PSD3: variants seen among roughly 807,000 people sequenced by gnomAD.
PSD3 encodes the protein PH and SEC7 domain-containing protein 3.
In PSD3, 49 loss-of-function variants were observed where a neutral mutation model predicts 105.5. The ratio of observed to expected loss-of-function variants is 0.46; its 90% confidence interval spans 0.37 to 0.59. The LOEUF (loss-of-function observed/expected upper bound fraction) is 0.59, where lower values mean the gene tolerates loss of function less well. Among genes scored for constraint, PSD3 ranks in the 20% least tolerant of loss-of-function variants. The pLI, the probability that PSD3 is intolerant of heterozygous loss-of-function variation, is 0.00. For missense variants in PSD3, 1,561 were observed against 1,263.8 expected, an observed-to-expected ratio of 1.24 and a Z score of -3.57; for synonymous variants, 557 against 457.8, an observed-to-expected ratio of 1.22 and a Z score of -2.77.
chr8:18,841,873 A>T (rs1333776000), intron 4 of PSD3, among the ~76,000 whole-genome samples: 1 of 152,190 alleles, frequency 6.6e-6, no homozygotes, highest in Non-Finnish European at 1.5e-5. Flanking sequence ...TAATCCCTTC[A>T]TTAAAGACTT....
intron 1 of PSD3, among the ~76,000 whole-genome samples, chr8:18,991,363 C>T (rs1206277323): frequency 4.9e-5 from 3 of 61,290 alleles, no homozygotes; most frequent in African/African-American, 9.3e-5. Flanking sequence ...TACACACACA[C>T]ACACACACAT....
chr8:18,773,828 C>A (rs1421578129), intron 8 of PSD3, among the ~76,000 whole-genome samples: 4 of 152,184 alleles, frequency 2.6e-5, no homozygotes, highest in African/African-American at 9.7e-5. Flanking sequence ...TCTGTGGAAT[C>A]TGAAGATCAG....
intron 2 of PSD3, among the ~76,000 whole-genome samples, chr8:18,903,269 G>C (rs548314012): frequency 6.6e-6 from 1 of 152,126 alleles, no homozygotes. Flanking sequence ...AACTTGACCC[G>C]AACGGCAACT....
rs1261667864 is a variant in PSD3, at chr8:18,607,696, CAAAACAAAAA to C, written c.2411-7272_2411-7263del. Reference sequence around the variant, plus strand: ...ACTCCACTGCTACAAAAAAAAAAAACAAAACAAAAAAAAAAAGGAAGTCAGGTGTATTAGT... The same window carrying C: ...ACTCCACTGCTACAAAAAAAAAAAACAAAAAAGGAAGTCAGGTGTATTAGT... On this transcript the variant is annotated intron_variant, in intron 11 of 15. Transcript: ENST00000327040. 2.6e-4 allele frequency among the ~76,000 whole-genome samples: 25 copies of C among 96,506 alleles called. 1 individual carries two copies. The highest frequency in any genetic ancestry group is 1.1e-3 in the African/African-American group (24 of 21,806). The allele number at this position is 96,506 out of a possible 152,430, so 63.3% of individuals were successfully genotyped here.
At chr8:18,843,873 T>A (rs577639502) in intron 4 of PSD3, among the ~76,000 whole-genome samples, 3 of 151,920 alleles carry the variant, frequency 2.0e-5, no homozygotes, top group Non-Finnish European at 2.9e-5. Flanking sequence ...TGACAATATC[T>A]CCAGGAAGTA....
intron 1 of PSD3, among the ~76,000 whole-genome samples, chr8:19,055,104 T>C (rs1828664251): frequency 6.6e-6 from 1 of 152,232 alleles, no homozygotes; most frequent in East Asian, 1.9e-4. Context: ...TTGAGTTGCA[T>C]GAGCAAGAAA....
intron 12 of PSD3, 41 bp downstream of exon 12, chr8:18,600,323 T>G: frequency 1.3e-6 from 2 of 1,523,892 alleles, no homozygotes; most frequent in Non-Finnish European, 1.8e-6. Flanking sequence ...ATGTAATTAT[T>G]TCATCGAGTT....
intron 4 of PSD3, among the ~76,000 whole-genome samples, chr8:18,844,649 C>T (rs956947389): frequency 6.6e-6 from 1 of 152,158 alleles, no homozygotes; most frequent in Non-Finnish European, 1.5e-5. Flanking sequence ...TTTCCAACCA[C>T]AACCCCTACT....
At chr8:18,832,985 T>A (rs984503308) in intron 4 of PSD3, among the ~76,000 whole-genome samples, 1 of 152,176 alleles carries the variant, frequency 6.6e-6, no homozygotes, top group Non-Finnish European at 1.5e-5. Flanking sequence ...AAGGCAGATA[T>A]GCTCTCTGGC....
At chr8:18,752,493 A>T (rs1234057293) in intron 9 of PSD3, among the ~76,000 whole-genome samples, 2 of 16,362 alleles carry the variant, frequency 1.2e-4, no homozygotes. Context: ...TATATATATA[A>T]TATATATAAT....
intron 1 of PSD3, among the ~76,000 whole-genome samples, chr8:19,037,946 T>A (rs890898231): frequency 6.7e-6 from 1 of 149,244 alleles, no homozygotes; most frequent in African/African-American, 2.4e-5. Flanking sequence ...TAAAGTTATA[T>A]ACACATTAAA....
intron 9 of PSD3, among the ~76,000 whole-genome samples, chr8:18,755,666 T>C (rs146033464): frequency 1.3e-5 from 2 of 152,164 alleles, no homozygotes; most frequent in African/African-American, 4.8e-5. Flanking sequence ...ACTTTTTTCC[T>C]TTTTTCTTTT....
At chr8:18,856,380 G>T (rs1038598742) in intron 4 of PSD3, among the ~76,000 whole-genome samples, 4 of 152,038 alleles carry the variant, frequency 2.6e-5, no homozygotes, top group Non-Finnish European at 5.9e-5. Flanking sequence ...TGCCCAGTAT[G>T]TGCTGGCCAC....
intron 9 of PSD3, among the ~76,000 whole-genome samples, chr8:18,752,522 ATATATAAT>A (rs1805608878): frequency 1.3e-5 from 1 of 79,912 alleles, no homozygotes; most frequent in Non-Finnish European, 2.0e-5. Context: ...TATATGTAAT[ATATATAAT>A]TATATATTAT....
At chr8:18,967,702 T>C (rs1194692004) in intron 1 of PSD3, among the ~76,000 whole-genome samples, 1 of 152,120 alleles carries the variant, frequency 6.6e-6, no homozygotes, top group African/African-American at 2.4e-5. Context: ...CCTCAGATGT[T>C]GGTAGGAGGA....
At chr8:18,580,094 T>A (rs1016592720) in intron 12 of PSD3, among the ~76,000 whole-genome samples, 1 of 152,218 alleles carries the variant, frequency 6.6e-6, no homozygotes, top group Non-Finnish European at 1.5e-5. Flanking sequence ...TAAAAAATGC[T>A]AAGTATGTCT....
At chr8:18,640,106 G>A (rs722311) in intron 10 of PSD3, among the ~76,000 whole-genome samples, 51 of 152,014 alleles carry the variant, frequency 3.4e-4, no homozygotes, top group Non-Finnish European at 6.2e-4. Flanking sequence ...GACTGTGGTC[G>A]TGAATCCATT....
chr8:18,625,263 GACTT>G (rs1380039637), intron 11 of PSD3, among the ~76,000 whole-genome samples: 1 of 151,770 alleles, frequency 6.6e-6, no homozygotes, highest in African/African-American at 2.4e-5. Flanking sequence ...CTAATTATCT[GACTT>G]ACTTTCTATA....
intron 15 of PSD3, among the ~76,000 whole-genome samples, chr8:18,544,425 GTT>G (rs78051321): frequency 6.9e-6 from 1 of 144,914 alleles, no homozygotes; most frequent in African/African-American, 2.5e-5. Flanking sequence ...AAATGTTCAG[GTT>G]TTTTTTTTTT....
Sources: gnomAD v4.1 joint callset for allele counts (sites outside exome capture counted in the v4.1 genomes callset) on GRCh38, gnomAD v4.1.1 for gene constraint, MANE v1.5 for transcripts, NCBI Gene and HGNC (gene_info 2026-07-23, HGNC 2026-07-21) for gene names.